The following CSE1L variants were observed in gnomAD, a reference collection of about 807,000 sequenced individuals.
CSE1L encodes exportin-2.
In CSE1L, 24 loss-of-function variants were observed where a neutral mutation model predicts 120.4. The ratio of observed to expected loss-of-function variants is 0.20; its 90% CI spans 0.14 to 0.28. The LOEUF (loss-of-function observed/expected upper bound fraction) is 0.28, where lower values mean the gene tolerates loss of function less well. CSE1L is among the 10% of genes least tolerant of loss of function. The probability of loss-of-function intolerance (pLI) is 1.00; values close to 1 mark genes in which losing one functional copy is unlikely to be tolerated. For missense variants in CSE1L, 830 were observed against 1,145.2 expected (o/e 0.72, Z 3.97); for synonymous variants, 402 against 398.3 (o/e 1.01, Z -0.11).
At chr20:49,058,999 C>T (rs930856303) in intron 2 of CSE1L, among the ~76,000 whole-genome samples, 5 of 151,886 alleles carry the variant, frequency 3.3e-5, no homozygotes, top group Non-Finnish European at 7.4e-5. Context: ...GGCGTGGTGG[C>T]GGGTGCCTGT....
chr20:49,076,998 A>G lies in CSE1L; in HGVS notation c.1354A>G (p.Asn452Asp). ...TTTTCAGCATGGAATTACACAAGCA[A>G]ATGAACTTGTAAACCTAACTGAGTT... ...QTQKHGITQA[N>D]ELVNLTEFFV... Residue 452 changes from asparagine (N) to aspartate (D), a missense_variant, in exon 13 of 25, where the codon AAT becomes GAT. Asn to Asp is a conservative substitution (Grantham distance 23). Transcript: ENST00000262982. The G allele has an allele frequency of 6.2e-7, 1 of 1,605,528 alleles. No individual in the cohort carries two copies. Among genetic ancestry groups the G allele is most frequent in the Non-Finnish European group, 8.5e-7 (1 of 1,176,776 alleles).
chr20:49,088,242 T>A, intron 17 of CSE1L, 136 bp downstream of exon 17: 2 of 656,828 alleles, frequency 3.0e-6, no homozygotes, highest in South Asian at 1.8e-5. Flanking sequence ...AATGGACTTT[T>A]CTGAAAGTGT....
At chr20:49,092,010 T>G in intron 21 of CSE1L, 36 bp from the exon 22 acceptor site, 1 of 1,163,226 alleles carries the variant, frequency 8.6e-7, no homozygotes. Context: ...AGTGCGTGAG[T>G]TCTCTATGCT....
At chr20:49,046,863 C>T (rs577318681) in intron 1 of CSE1L, among the ~76,000 whole-genome samples, 2 of 152,210 alleles carry the variant, frequency 1.3e-5, no homozygotes, top group Non-Finnish European at 2.9e-5. Flanking sequence ...GCGGCGAGGC[C>T]TGCCCGGGCG....
In CSE1L at chr20:49,059,338, C is replaced by T. The variant is rs570595653; in HGVS notation, c.85+790C>T. On this transcript the variant is annotated intron_variant, in intron 2 of 24. Transcript: ENST00000262982. ...GAATCTGACCAGATTCCATTAAAAA[C>T]GTAGAATTAAAATATTGAACTCAGG... is the stretch of plus-strand genomic sequence containing the variant. Among the ~76,000 whole-genome samples the T allele has an allele frequency of 1.8e-4, 27 of 151,464 alleles. No homozygotes were observed. In the East Asian group the frequency reaches 2.3e-3, roughly 13 times the overall value.
chr20:49,093,774 G>T (rs895700596), intron 22 of CSE1L, among the ~76,000 whole-genome samples: 1 of 151,796 alleles, frequency 6.6e-6, no homozygotes, highest in East Asian at 1.9e-4. Context: ...AAAATTTGCC[G>T]GGCGTGGTGG....
At chr20:49,082,645 G>A (rs1449069467) in intron 14 of CSE1L, among the ~76,000 whole-genome samples, 2 of 152,018 alleles carry the variant, frequency 1.3e-5, no homozygotes, top group African/African-American at 4.8e-5. Context: ...TCAGCCTCGC[G>A]ATAGCTGGGA....
In CSE1L at chr20:49,075,444, C is replaced by A. The variant is rs982881130; in HGVS notation, c.1259C>A (p.Pro420Gln). The change falls in exon 12 of 25, where the codon CCA (proline) becomes CAA (glutamine). Residue 420 changes from proline to glutamine, a missense_variant. By Grantham distance (76) the Pro-to-Gln change is moderately conservative. Around this residue, in one of 4 missense-constraint regions of CSE1L, gnomAD observed 543 missense variants for 640.2 expected, o/e 0.85. Coordinates refer to ENST00000262982, the MANE Select transcript of CSE1L (RefSeq NM_001316.4). ...NSMLQEYAKN[P>Q]SVNWKHKDAA... Reference sequence around the variant, plus strand: ...ATGCTGCAGGAATACGCAAAAAATCCATCTGTCAACTGGAAACACAAAGAT... The same window carrying A: ...ATGCTGCAGGAATACGCAAAAAATCAATCTGTCAACTGGAAACACAAAGAT... The A allele has an allele frequency of 6.2e-7, 1 of 1,613,950 alleles. No individual in the cohort carries two copies. Among genetic ancestry groups the A allele is most frequent in the East Asian group, 2.2e-5 (1 of 44,890 alleles).
intron 14 of CSE1L, among the ~76,000 whole-genome samples, chr20:49,080,112 C>T (rs7265218): frequency 6.6e-6 from 1 of 152,122 alleles, no homozygotes; most frequent in East Asian, 1.9e-4. Context: ...TGTTGTCCCT[C>T]TAGTCCCCAT....
chr20:49,093,913 G>A (rs1219782135), intron 22 of CSE1L, among the ~76,000 whole-genome samples: 5 of 150,046 alleles, frequency 3.3e-5, no homozygotes, highest in East Asian at 3.9e-4. Flanking sequence ...GCGAAACTCC[G>A]TCTCAAAAAA....
At chr20:49,048,674 A>G (rs2091741301) in intron 1 of CSE1L, among the ~76,000 whole-genome samples, 1 of 152,206 alleles carries the variant, frequency 6.6e-6, no homozygotes, top group Non-Finnish European at 1.5e-5. Flanking sequence ...CTAGAGTGTT[A>G]CATGAAGAAG....
Position 49,066,663 on chromosome 20 carries a change from A to G in CSE1L, c.476+153A>G, listed in dbSNP as rs186568546. The stretch of plus-strand genomic sequence containing the variant: ...TCTGTATTGCGTTTGTTTCTTCTCA[A>G]CTAGGATGTTTATTTCATATTGCTC... On this transcript the variant is annotated intron_variant, in intron 5 of 24. Coordinates refer to ENST00000262982, the MANE Select transcript of CSE1L (RefSeq NM_001316.4). Among the ~76,000 whole-genome samples the G allele has an allele frequency of 1.4e-4, 21 of 152,274 alleles. No homozygotes were observed. In the East Asian group the frequency reaches 3.7e-3, roughly 27 times the overall value.
intron 6 of CSE1L, among the ~76,000 whole-genome samples, chr20:49,068,136 G>C (rs2123698596): frequency 6.6e-6 from 1 of 152,056 alleles, no homozygotes; most frequent in Non-Finnish European, 1.5e-5. Context: ...TGTTTAATAA[G>C]AGCATATAAA....
At chr20:49,087,893 G>A (rs2092072390) in intron 16 of CSE1L, 116 bp from the exon 17 acceptor site, 1 of 640,912 alleles carries the variant, frequency 1.6e-6, no homozygotes, top group African/African-American at 1.9e-5. Context: ...TCTCGGGGTT[G>A]TCTAAGCATC....
chr20:49,088,208 G>A lies in CSE1L; in HGVS notation c.1821+102G>A, dbSNP rs1034111000. The A allele has an allele frequency of 5.2e-5, 41 of 782,458 alleles. 1 individual carries two copies. The East Asian group carries it at 1.1e-3, about 21-fold the overall frequency. The allele number at this position is 782,458 out of a possible 1,614,324, so 48.5% of individuals were successfully genotyped here. A position where few individuals can be genotyped will look rare whatever the true frequency, so the allele number is the denominator to read the frequency against. On this transcript the variant is annotated intron_variant, in intron 17 of 24. Transcript: ENST00000262982. Reference sequence around the variant, plus strand: ...TTACGTGAAGCTTTAGAGAAGGTCTGTGAATTCTTCCTGACCAGCCACTAA... The same window carrying A: ...TTACGTGAAGCTTTAGAGAAGGTCTATGAATTCTTCCTGACCAGCCACTAA...
At chr20:49,088,955 G>GGC (rs1181267048) in intron 17 of CSE1L, among the ~76,000 whole-genome samples, 2 of 152,154 alleles carry the variant, frequency 1.3e-5, no homozygotes, top group Non-Finnish European at 2.9e-5. Flanking sequence ...TAAGGCTAGT[G>GGC]GCATTACTAG....
chr20:49,084,908 C>T (rs2092042686), intron 15 of CSE1L, among the ~76,000 whole-genome samples: 1 of 152,030 alleles, frequency 6.6e-6, no homozygotes, highest in Non-Finnish European at 1.5e-5. Context: ...TATCTTCAGG[C>T]CCAGAATTTA....
At chr20:49,083,901 C>G in intron 14 of CSE1L, 125 bp from the exon 15 acceptor site, 1 of 943,012 alleles carries the variant, frequency 1.1e-6, no homozygotes. Context: ...GCAGCATCTC[C>G]TATTATAACA....
At chr20:49,057,392 T>G (rs970494501) in intron 1 of CSE1L, among the ~76,000 whole-genome samples, 1 of 152,010 alleles carries the variant, frequency 6.6e-6, no homozygotes, top group Non-Finnish European at 1.5e-5. Context: ...GTTTCTTTAA[T>G]CTCAGAACTT....
Sources: gnomAD v4.1 joint callset for allele counts (sites outside exome capture counted in the v4.1 genomes callset) on GRCh38, gnomAD v4.1.1 for gene constraint, gnomAD v4.1.1 regional missense constraint, MANE v1.5 for transcripts, NCBI Gene and HGNC (gene_info 2026-07-23, HGNC 2026-07-21) for gene names.